SLIT3: variants seen among roughly 807,000 people sequenced by gnomAD.
SLIT3 encodes the protein slit homolog 3 protein.
Under a neutral mutation model 184.0 loss-of-function variants are expected in SLIT3, and 68 were observed. The ratio of observed to expected loss-of-function variants is 0.37; its 90% CI spans 0.30 to 0.45. The LOEUF is 0.45. SLIT3 is among the 20% of genes least tolerant of loss of function. The probability of loss-of-function intolerance (pLI) is 1.00; values close to 1 mark genes in which losing one functional copy is unlikely to be tolerated. For synonymous variants in SLIT3, 831 were observed against 828.6 expected, an observed-to-expected ratio of 1.00 and a Z score of -0.05; for missense variants, 1,707 against 2,026.0, an observed-to-expected ratio of 0.84 and a Z score of 3.02.
rs114559705 is a variant in SLIT3, at chr5:169,297,188, A to G, written c.197+3325T>C. 8.2e-3 allele frequency among the ~76,000 whole-genome samples: 1,247 copies of G among 152,242 alleles called. 16 individuals carry two copies. The highest frequency in any genetic ancestry group is 0.029 in the African/African-American group (1,190 of 41,520). On this transcript the variant is annotated intron_variant, in intron 1 of 35. Transcript: ENST00000519560. Reference sequence around the variant, plus strand: ...TAAATTACACTGAATTCTTCTCTGCATTTATTTAGCTTTCTTGTGGGTGTC... The same window carrying G: ...TAAATTACACTGAATTCTTCTCTGCGTTTATTTAGCTTTCTTGTGGGTGTC...
At chr5:168,837,002 G>T (rs574746748) in intron 6 of SLIT3, among the ~76,000 whole-genome samples, 55 of 152,202 alleles carry the variant, frequency 3.6e-4, no homozygotes, top group African/African-American at 1.2e-3. Context: ...CCTTAAGCTG[G>T]GGTTCTCAAA....
intron 1 of SLIT3, among the ~76,000 whole-genome samples, chr5:169,299,621 C>T (rs746376139): frequency 1.6e-4 from 24 of 151,852 alleles, no homozygotes; most frequent in Non-Finnish European, 1.6e-4. Flanking sequence ...GAGCCCACCC[C>T]GGAGTCCAAG....
chr5:168,851,322 CAAAAAAA>C (rs531233116), intron 5 of SLIT3, among the ~76,000 whole-genome samples: 2 of 77,196 alleles, frequency 2.6e-5, no homozygotes, highest in African/African-American at 4.8e-5. Context: ...GACTCCGTCT[CAAAAAAA>C]AAAAAAAAAA....
chr5:169,283,880 TA>T (rs1355352352), intron 1 of SLIT3, among the ~76,000 whole-genome samples: 1 of 152,212 alleles, frequency 6.6e-6, no homozygotes, highest in Admixed American at 6.5e-5. Context: ...TTTAGACTCT[TA>T]AAAAACAGAA....
intron 4 of SLIT3, among the ~76,000 whole-genome samples, chr5:168,968,919 G>A (rs1171130632): frequency 1.3e-5 from 2 of 152,144 alleles, no homozygotes; most frequent in East Asian, 1.9e-4. Context: ...ACTGTGCACT[G>A]ATGACTTCAG....
At chr5:169,231,774 A>G (rs1765011982) in intron 3 of SLIT3, among the ~76,000 whole-genome samples, 1 of 152,198 alleles carries the variant, frequency 6.6e-6, no homozygotes. Context: ...AACTGTATCA[A>G]TAACTCCCGT....
At chr5:169,208,646 C>A (rs1229721729) in intron 3 of SLIT3, among the ~76,000 whole-genome samples, 2 of 152,204 alleles carry the variant, frequency 1.3e-5, no homozygotes, top group African/African-American at 4.8e-5. Flanking sequence ...CTACAACCAT[C>A]TGAACGTTGA....
intron 4 of SLIT3, among the ~76,000 whole-genome samples, chr5:169,008,037 G>A (rs1280179685): frequency 6.6e-6 from 1 of 152,148 alleles, no homozygotes; most frequent in Non-Finnish European, 1.5e-5. Context: ...ACCAGGCAGA[G>A]GGCCATTGTT....
intron 21 of SLIT3, 55 bp downstream of exon 21, chr5:168,724,361 C>T: frequency 6.7e-7 from 1 of 1,483,480 alleles, no homozygotes; most frequent in Non-Finnish European, 9.3e-7. Context: ...CTTCAGTTTC[C>T]TGAGCGACCC....
At chr5:169,039,318 T>G (rs1019372606) in intron 4 of SLIT3, among the ~76,000 whole-genome samples, 5 of 73,044 alleles carry the variant, frequency 6.8e-5, no homozygotes, top group South Asian at 3.3e-4. Context: ...TTTTTTTGTG[T>G]TTTTTTTTTT....
At chr5:168,758,639 CG>C (rs1177831858) in intron 16 of SLIT3, among the ~76,000 whole-genome samples, 5 of 152,164 alleles carry the variant, frequency 3.3e-5, no homozygotes, top group African/African-American at 1.2e-4. Flanking sequence ...CCACTGCACC[CG>C]GTTACACAGC....
Position 168,664,428 on chromosome 5 carries a change from A to G in SLIT3, c.*2026T>C, listed in dbSNP as rs1402866220. ...CATAAGGCACAGTACCTGGAACATAATGGAGATTTACATGCACATTTTTAG... is the reference window on the plus strand; with the variant it reads ...CATAAGGCACAGTACCTGGAACATAGTGGAGATTTACATGCACATTTTTAG... On this transcript the variant is annotated 3_prime_UTR_variant, in exon 36 of 36. Transcript: ENST00000519560. 6.6e-6 allele frequency: 1 copy of G among 152,208 alleles called. No homozygotes were observed. The highest frequency in any genetic ancestry group is 1.5e-5 in the Non-Finnish European group (1 of 68,052). 9.4% of individuals were successfully genotyped at this position (152,208 alleles called of 1,614,324 possible). A position where few individuals can be genotyped will look rare whatever the true frequency, so the allele number is the denominator to read the frequency against.
At chr5:168,738,202 C>T (rs889986403) in intron 20 of SLIT3, among the ~76,000 whole-genome samples, 11 of 152,172 alleles carry the variant, frequency 7.2e-5, no homozygotes, top group Admixed American at 6.5e-5. Context: ...TTTCCTTTTG[C>T]CCTGTGTTGA....
At chr5:169,067,030 T>A (rs1168646704) in intron 4 of SLIT3, among the ~76,000 whole-genome samples, 2 of 151,930 alleles carry the variant, frequency 1.3e-5, no homozygotes, top group Non-Finnish European at 2.9e-5. Flanking sequence ...CTAATTGTGA[T>A]TATTATTCGC....
intron 35 of SLIT3, among the ~76,000 whole-genome samples, chr5:168,668,320 G>A (rs761470193): frequency 6.6e-6 from 1 of 152,158 alleles, no homozygotes; most frequent in Non-Finnish European, 1.5e-5. Context: ...ACTCAAAAGG[G>A]CTGGGGTGGG....
intron 23 of SLIT3, among the ~76,000 whole-genome samples, chr5:168,716,783 T>A (rs1271395597): frequency 4.6e-5 from 7 of 151,434 alleles, no homozygotes; most frequent in Admixed American, 2.6e-4. Flanking sequence ...ATAGGCCAGC[T>A]CCCTCCAGTC....
chr5:169,140,733 T>G lies in SLIT3; in HGVS notation c.413+52746A>C, dbSNP rs188685259. Among the ~76,000 whole-genome samples the G allele has an allele frequency of 9.5e-4, 144 of 152,166 alleles. 5 individuals carry two copies. The highest frequency in any genetic ancestry group is 3.4e-3 in the African/African-American group (140 of 41,516). On this transcript the variant is annotated intron_variant, in intron 4 of 35. Coordinates refer to ENST00000519560, the MANE Select transcript of SLIT3 (RefSeq NM_003062.4). The stretch of plus-strand genomic sequence containing the variant: ...GAGAATCTCTTGAGTCCAGAAGGTC[T>G]AGGCTGCAGTGAGCCATGATCACGC...
chr5:169,052,596 AG>A (rs1757855716), intron 4 of SLIT3, among the ~76,000 whole-genome samples: 1 of 152,228 alleles, frequency 6.6e-6, no homozygotes, highest in Admixed American at 6.5e-5. Context: ...AATGTCAAAA[AG>A]AATATGGAGT....
In SLIT3 at chr5:168,675,087, C is replaced by T. The variant is rs115101888; in HGVS notation, c.3687-1756G>A. 9.7e-4 allele frequency among the ~76,000 whole-genome samples: 148 copies of T among 152,268 alleles called. 2 individuals are homozygous for T. The highest frequency in any genetic ancestry group is 3.4e-3 in the African/African-American group (140 of 41,560). On this transcript the variant is annotated intron_variant, in intron 32 of 35. Transcript: ENST00000519560. ...TGTGCTCTTTCCAGCGCTCCACCCTCGGCGGGGGCTGGGAGGGAACAGTGG... is the reference window on the plus strand; with the variant it reads ...TGTGCTCTTTCCAGCGCTCCACCCTTGGCGGGGGCTGGGAGGGAACAGTGG...
Sources: gnomAD v4.1 joint callset for allele counts (sites outside exome capture counted in the v4.1 genomes callset) on GRCh38, gnomAD v4.1.1 for gene constraint, MANE v1.5 for transcripts, NCBI Gene and HGNC (gene_info 2026-07-23, HGNC 2026-07-21) for gene names.